Variants in ACYP2 observed in about 807,000 individuals in gnomAD.
The protein encoded by ACYP2 is acylphosphatase 2, also known as acylphosphatase-2.
Under a neutral mutation model 11.2 loss-of-function variants are expected in ACYP2, and 12 were observed. The ratio of observed to expected loss-of-function variants is 1.08; its 90% confidence interval spans 0.69 to 1.74. The LOEUF (loss-of-function observed/expected upper bound fraction) is 1.74. Ranked by LOEUF, ACYP2 falls within the 40% of genes most tolerant of loss-of-function variation. The pLI is 0.00. For missense variants in ACYP2, 134 were observed against 101.9 expected (o/e 1.31, Z -1.35); for synonymous variants, 43 against 32.2 (o/e 1.33, Z -1.13).
At chr2:54,183,979 A>T (rs1278908196) in intron 6 of ACYP2, among the ~76,000 whole-genome samples, 1 of 152,218 alleles carries the variant, frequency 6.6e-6, no homozygotes, top group East Asian at 1.9e-4. Context: ...CTCTAGAATC[A>T]CAAATTGGAA....
intron 3 of ACYP2, among the ~76,000 whole-genome samples, chr2:54,053,861 C>A (rs970696886): frequency 6.6e-6 from 1 of 152,160 alleles, no homozygotes; most frequent in Non-Finnish European, 1.5e-5. Context: ...GGTTTTTGCT[C>A]TTGATTAGAC....
At chr2:54,176,125 A>T (rs1313888739) in intron 6 of ACYP2, among the ~76,000 whole-genome samples, 1 of 152,186 alleles carries the variant, frequency 6.6e-6, no homozygotes, top group Non-Finnish European at 1.5e-5. Flanking sequence ...TAAAGTACCC[A>T]GTCTAAGGTA....
At chr2:54,277,413 C>T (rs1366717408) in intron 6 of ACYP2, among the ~76,000 whole-genome samples, 1 of 152,176 alleles carries the variant, frequency 6.6e-6, no homozygotes, top group African/African-American at 2.4e-5. Context: ...GGTGCAGTGA[C>T]TCACATCTGC....
intron 2 of ACYP2, among the ~76,000 whole-genome samples, chr2:54,026,954 G>T (rs1225818159): frequency 2.0e-5 from 3 of 152,174 alleles, no homozygotes; most frequent in African/African-American, 7.2e-5. Flanking sequence ...ACTGGGTACA[G>T]TGTACACTGC....
chr2:54,041,772 A>T (rs1254971354), intron 2 of ACYP2, among the ~76,000 whole-genome samples: 1 of 151,086 alleles, frequency 6.6e-6, no homozygotes, highest in Non-Finnish European at 1.5e-5. Flanking sequence ...TGAAAGAATA[A>T]ATTGTTTCCC....
At chr2:54,254,898 G>A in intron 6 of ACYP2, 1 of 1,598,194 alleles carries the variant, frequency 6.3e-7, no homozygotes, top group African/African-American at 1.3e-5. Flanking sequence ...CCTTCTGCAG[G>A]AGTAATTCCA....
chr2:54,137,673 A>T (rs1473966264), intron 5 of ACYP2, among the ~76,000 whole-genome samples: 3 of 152,184 alleles, frequency 2.0e-5, no homozygotes, highest in Admixed American at 1.3e-4. Context: ...TTCTTTATCC[A>T]GTCTACCATT....
chr2:54,033,109 T>G (rs1209667197), intron 2 of ACYP2, among the ~76,000 whole-genome samples: 2 of 151,948 alleles, frequency 1.3e-5, no homozygotes, highest in Non-Finnish European at 1.5e-5. Context: ...CAGAGCAGTC[T>G]GAGCTTTGTG....
chr2:54,131,231 T>A (rs1171151437), intron 4 of ACYP2, among the ~76,000 whole-genome samples: 1 of 152,220 alleles, frequency 6.6e-6, no homozygotes, highest in Non-Finnish European at 1.5e-5. Flanking sequence ...AAATATTACA[T>A]CAATAGATTG....
intron 6 of ACYP2, among the ~76,000 whole-genome samples, chr2:54,173,977 C>A (rs1024799860): frequency 1.1e-4 from 17 of 152,138 alleles, no homozygotes; most frequent in African/African-American, 4.1e-4. Context: ...ATGCCTCCAG[C>A]TTTGTTCTTT....
intron 6 of ACYP2, among the ~76,000 whole-genome samples, chr2:54,167,201 G>A (rs1223420060): frequency 6.6e-6 from 1 of 152,084 alleles, no homozygotes; most frequent in Non-Finnish European, 1.5e-5. Context: ...GTTTGTCAAA[G>A]TGTTTTTGGA....
At chr2:54,163,931 G>C (rs1320764784) in intron 6 of ACYP2, among the ~76,000 whole-genome samples, 2 of 152,122 alleles carry the variant, frequency 1.3e-5, no homozygotes, top group East Asian at 1.9e-4. Context: ...GGCACTTTAG[G>C]AAATTTTTTT....
At chr2:54,089,123 T>C (rs976525202) in intron 4 of ACYP2, among the ~76,000 whole-genome samples, 1 of 152,212 alleles carries the variant, frequency 6.6e-6, no homozygotes, top group Non-Finnish European at 1.5e-5. Context: ...TGTTCTATCA[T>C]TGGATTATTA....
chr2:54,057,483 GA>G, intron 4 of ACYP2: 1 of 388,580 alleles, frequency 2.6e-6, no homozygotes, highest in African/African-American at 2.1e-5. Flanking sequence ...CATTTTGAGG[GA>G]AAAAGTGCCC....
At chr2:54,043,900 G>A (rs1675374912) in intron 2 of ACYP2, among the ~76,000 whole-genome samples, 1 of 152,070 alleles carries the variant, frequency 6.6e-6, no homozygotes, top group South Asian at 2.1e-4. Context: ...CCAATTAGGA[G>A]GAAACTAAAA....
chr2:54,160,137 G>A (rs964963496), intron 6 of ACYP2, among the ~76,000 whole-genome samples: 1 of 152,164 alleles, frequency 6.6e-6, no homozygotes, highest in African/African-American at 2.4e-5. Context: ...ATATATAGGG[G>A]ACTGGAGGTC....
At chr2:53,997,694 C>T (rs1165832323) in intron 2 of ACYP2, among the ~76,000 whole-genome samples, 13 of 152,032 alleles carry the variant, frequency 8.6e-5, no homozygotes, top group African/African-American at 2.9e-4. Context: ...AATAGGAGCA[C>T]AGTGTTTATA....
intron 4 of ACYP2, among the ~76,000 whole-genome samples, chr2:54,090,251 T>C (rs1164375352): frequency 1.3e-5 from 2 of 152,146 alleles, no homozygotes; most frequent in Non-Finnish European, 2.9e-5. Flanking sequence ...CACATTCTGC[T>C]CTCACCCTGC....
At chr2:54,069,414 G>T (rs562721358) in intron 4 of ACYP2, among the ~76,000 whole-genome samples, 1 of 151,896 alleles carries the variant, frequency 6.6e-6, no homozygotes, top group African/African-American at 2.4e-5. Context: ...TGTAATCCCA[G>T]CACTTTGGGA....
Sources: allele counts gnomAD v4.1 joint callset (sites outside exome capture counted in the v4.1 genomes callset), GRCh38; gene constraint gnomAD v4.1.1; transcripts MANE v1.5; gene names NCBI Gene and HGNC (gene_info 2026-07-23, HGNC 2026-07-21).